Variants in MACROD2 observed in about 807,000 individuals in gnomAD.
MACROD2 encodes the protein ADP-ribose glycohydrolase MACROD2.
In MACROD2, 36 loss-of-function variants were observed where a neutral mutation model predicts 70.4. The ratio of observed to expected loss-of-function variants is 0.51; its 90% CI spans 0.39 to 0.68. The LOEUF is 0.68. Ranked by LOEUF, MACROD2 falls within the 30% of genes least tolerant of loss-of-function variation. MACROD2 has a pLI of 0.00. For synonymous variants in MACROD2, 172 were observed against 178.8 expected, an observed-to-expected ratio of 0.96 and a Z score of 0.30; for missense variants, 496 against 538.4, an observed-to-expected ratio of 0.92 and a Z score of 0.78.
In MACROD2 at chr20:14,122,948, C is replaced by T. The variant is rs552091701; in HGVS notation, c.271+37220C>T. Reference sequence around the variant, plus strand: ...GGATTAGAGACAGTGGCATCGTCTTCCACACTGTAGTTTAACTCAGGCCTG... The same window carrying T: ...GGATTAGAGACAGTGGCATCGTCTTTCACACTGTAGTTTAACTCAGGCCTG... On this transcript the variant is annotated intron_variant, in intron 3 of 17. Coordinates refer to ENST00000684519, the MANE Select transcript of MACROD2 (RefSeq NM_001351661.2). Among the ~76,000 whole-genome samples, 7 of 152,244 alleles carry T rather than the reference C, an allele frequency of 4.6e-5. No homozygotes were observed. In the South Asian group the frequency reaches 1.5e-3, roughly 32 times the overall value.
At chr20:15,839,528 A>G (rs1273847761) in intron 8 of MACROD2, among the ~76,000 whole-genome samples, 2 of 152,090 alleles carry the variant, frequency 1.3e-5, no homozygotes, top group South Asian at 2.1e-4. Flanking sequence ...TTGATAACTC[A>G]TTAGTCCAGA....
chr20:14,496,734 A>T (rs770009528), intron 4 of MACROD2, among the ~76,000 whole-genome samples: 1 of 148,686 alleles, frequency 6.7e-6, no homozygotes, highest in Admixed American at 6.6e-5. Context: ...TTCTGTTCAT[A>T]GTTTCTAGAT....
chr20:15,557,454 A>G (rs1226513664), intron 8 of MACROD2, among the ~76,000 whole-genome samples: 1 of 152,204 alleles, frequency 6.6e-6, no homozygotes, highest in Non-Finnish European at 1.5e-5. Context: ...AGAAACAGCA[A>G]ACACACACAC....
In MACROD2 at chr20:14,464,634, C is replaced by T. The variant is rs952586906; in HGVS notation, c.272-28845C>T. On this transcript the variant is annotated intron_variant, in intron 3 of 17. Coordinates refer to ENST00000684519, the MANE Select transcript of MACROD2 (RefSeq NM_001351661.2). ...TCTTTTAATTGTGATGTTAGGGTGT[C>T]GATTTTAGATCTTTCCTGCTTTCTC... Among the ~76,000 whole-genome samples the T allele has an allele frequency of 4.0e-5, 6 of 151,826 alleles. No individual in the cohort carries two copies. The South Asian group carries it at 6.2e-4, about 16-fold the overall frequency.
At chr20:14,757,670 A>G in intron 5 of MACROD2, 1 of 1,355,146 alleles carries the variant, frequency 7.4e-7, no homozygotes, top group Non-Finnish European at 1.1e-6. Flanking sequence ...GCTGTCAGAC[A>G]AGAATGTGTC....
intron 5 of MACROD2, among the ~76,000 whole-genome samples, chr20:14,837,015 T>G (rs1378744583): frequency 6.6e-6 from 1 of 152,010 alleles, no homozygotes; most frequent in Non-Finnish European, 1.5e-5. Flanking sequence ...CTCTTGTAAT[T>G]AACTAGAAAG....
At chr20:14,136,845 C>G (rs1429405549) in intron 3 of MACROD2, among the ~76,000 whole-genome samples, 2 of 152,254 alleles carry the variant, frequency 1.3e-5, no homozygotes, top group South Asian at 2.1e-4. Context: ...TTTTCTGAAC[C>G]TTAACATTCT....
intron 3 of MACROD2, among the ~76,000 whole-genome samples, chr20:14,202,639 A>G (rs1166083885): frequency 6.6e-6 from 1 of 152,224 alleles, no homozygotes; most frequent in Admixed American, 6.5e-5. Context: ...CAAGAATATA[A>G]GAAGAAAAGA....
chr20:14,843,693 G>A (rs980027269), intron 5 of MACROD2, among the ~76,000 whole-genome samples: 1 of 151,968 alleles, frequency 6.6e-6, no homozygotes, highest in Non-Finnish European at 1.5e-5. Flanking sequence ...TTCTTTCTGA[G>A]AACTTTTGTT....
chr20:14,869,037 A>G (rs1275496434), intron 5 of MACROD2, among the ~76,000 whole-genome samples: 1 of 152,070 alleles, frequency 6.6e-6, no homozygotes, highest in Non-Finnish European at 1.5e-5. Flanking sequence ...ACAGAGCACT[A>G]AAAGGTCACA....
intron 4 of MACROD2, among the ~76,000 whole-genome samples, chr20:14,666,866 T>G (rs1461371220): frequency 6.6e-6 from 1 of 151,866 alleles, no homozygotes; most frequent in African/African-American, 2.4e-5. Context: ...CCAGAGCTTT[T>G]TATCGCATTA....
chr20:15,227,148 T>C (rs1404921003), intron 5 of MACROD2, among the ~76,000 whole-genome samples: 2 of 152,190 alleles, frequency 1.3e-5, no homozygotes, highest in Admixed American at 6.5e-5. Flanking sequence ...ATTTTAATGC[T>C]GAGGAGGCTC....
At chr20:15,988,861 T>C (rs2066520549) in intron 15 of MACROD2, among the ~76,000 whole-genome samples, 1 of 152,168 alleles carries the variant, frequency 6.6e-6, no homozygotes, top group Non-Finnish European at 1.5e-5. Flanking sequence ...AAATTTGAAA[T>C]AATTTTAAGT....
intron 3 of MACROD2, among the ~76,000 whole-genome samples, chr20:14,217,574 A>G (rs2081633781): frequency 1.3e-5 from 2 of 152,100 alleles, no homozygotes; most frequent in African/African-American, 4.8e-5. Context: ...AATAGTTTCA[A>G]AAGGATTGGT....
chr20:14,275,232 AC>A (rs2082240473), intron 3 of MACROD2, among the ~76,000 whole-genome samples: 1 of 152,186 alleles, frequency 6.6e-6, no homozygotes, highest in Admixed American at 6.5e-5. Context: ...TTCAAACTAT[AC>A]TACAAGGCTA....
At position 15,067,449 on chromosome 20, in the gene MACROD2, G is replaced by A. The variant is rs769339166; in HGVS notation, c.419-162491G>A. On this transcript the variant is annotated intron_variant, in intron 5 of 17. Transcript: ENST00000684519. ...ACTGCAACCTTTGTCTCCCAGGTTCGAGTGATTCTCCTGCCTCAGCCACCA... is the reference window on the plus strand; with the variant it reads ...ACTGCAACCTTTGTCTCCCAGGTTCAAGTGATTCTCCTGCCTCAGCCACCA... Among the ~76,000 whole-genome samples, 8 of 152,116 alleles carry A rather than the reference G, an allele frequency of 5.3e-5. No homozygotes were observed. The South Asian group carries it at 6.2e-4, about 12-fold the overall frequency.
chr20:14,829,030 TC>T (rs2040472189), intron 5 of MACROD2, among the ~76,000 whole-genome samples: 1 of 151,360 alleles, frequency 6.6e-6, no homozygotes, highest in Admixed American at 6.6e-5. Flanking sequence ...TATCAAGCTA[TC>T]ACCTAGGTGT....
intron 3 of MACROD2, among the ~76,000 whole-genome samples, chr20:14,365,410 GTAA>G (rs2083262901): frequency 6.6e-6 from 1 of 151,048 alleles, no homozygotes; most frequent in African/African-American, 2.4e-5. Flanking sequence ...TAATATTTAT[GTAA>G]TAATGTTCAT....
intron 5 of MACROD2, among the ~76,000 whole-genome samples, chr20:15,035,615 T>G (rs1159067253): frequency 6.6e-6 from 1 of 152,174 alleles, no homozygotes; most frequent in Non-Finnish European, 1.5e-5. Flanking sequence ...TCCCTTGCTA[T>G]GGTCACTGAG....
Sources: gnomAD v4.1 joint callset for allele counts (sites outside exome capture counted in the v4.1 genomes callset) on GRCh38, gnomAD v4.1.1 for gene constraint, MANE v1.5 for transcripts, NCBI Gene and HGNC (gene_info 2026-07-23, HGNC 2026-07-21) for gene names.